Variants in MARCHF11 observed in about 807,000 individuals in gnomAD.
MARCHF11 encodes membrane associated ring-CH-type finger 11.
In MARCHF11, 29 loss-of-function variants were observed where a neutral mutation model predicts 37.3. The observed-to-expected ratio is 0.78, with a 90% CI of 0.58 to 1.06. The LOEUF (loss-of-function observed/expected upper bound fraction) is 1.06, where lower values mean the gene tolerates loss of function less well. Ranked by LOEUF, MARCHF11 falls within the 50% of genes least tolerant of loss-of-function variation. The pLI is 0.00. For missense variants in MARCHF11, 482 were observed against 533.4 expected (o/e 0.90, Z 0.95); for synonymous variants, 233 against 228.0 (o/e 1.02, Z -0.20).
At chr5:16,068,464 G>C (rs1052461939) in intron 3 of MARCHF11, among the ~76,000 whole-genome samples, 13 of 152,176 alleles carry the variant, frequency 8.5e-5, no homozygotes, top group Non-Finnish European at 1.5e-4. Flanking sequence ...TCAGAAACGT[G>C]CTCAAAAACA....
chr5:16,121,594 A>G (rs1189701182), intron 2 of MARCHF11, among the ~76,000 whole-genome samples: 1 of 152,230 alleles, frequency 6.6e-6, no homozygotes, highest in African/African-American at 2.4e-5. Flanking sequence ...ATCACTGAAG[A>G]GGTGACATTT....
At chr5:16,153,852 T>C (rs1737926939) in intron 2 of MARCHF11, among the ~76,000 whole-genome samples, 1 of 151,990 alleles carries the variant, frequency 6.6e-6, no homozygotes, top group South Asian at 2.1e-4. Flanking sequence ...TGTCTGCAAC[T>C]TCTGAGAAAT....
intron 2 of MARCHF11, among the ~76,000 whole-genome samples, chr5:16,146,828 G>A (rs1245981639): frequency 6.6e-6 from 1 of 151,970 alleles, no homozygotes; most frequent in East Asian, 1.9e-4. Context: ...GGATGTAGCA[G>A]CCACATGTCT....
At chr5:16,126,451 T>G (rs1737409115) in intron 2 of MARCHF11, among the ~76,000 whole-genome samples, 1 of 152,226 alleles carries the variant, frequency 6.6e-6, no homozygotes, top group Non-Finnish European at 1.5e-5. Flanking sequence ...TTATTCCAAG[T>G]TATAATACTT....
intron 2 of MARCHF11, among the ~76,000 whole-genome samples, chr5:16,139,484 T>C (rs1390668539): frequency 1.3e-5 from 2 of 152,140 alleles, no homozygotes; most frequent in Non-Finnish European, 2.9e-5. Context: ...CTAATACATA[T>C]GCTATATGTA....
chr5:16,138,851 CCT>C (rs1737655810), intron 2 of MARCHF11, among the ~76,000 whole-genome samples: 1 of 152,158 alleles, frequency 6.6e-6, no homozygotes, highest in African/African-American at 2.4e-5. Flanking sequence ...GGGCCTGCAA[CCT>C]CTTTGTTTTG....
At chr5:16,074,294 A>G (rs1033616570) in intron 3 of MARCHF11, among the ~76,000 whole-genome samples, 3 of 152,202 alleles carry the variant, frequency 2.0e-5, no homozygotes, top group African/African-American at 7.2e-5. Flanking sequence ...GCCTACATCA[A>G]AAAGTCTGAA....
chr5:16,140,003 A>G (rs1269767295), intron 2 of MARCHF11, among the ~76,000 whole-genome samples: 1 of 152,182 alleles, frequency 6.6e-6, no homozygotes, highest in Non-Finnish European at 1.5e-5. Flanking sequence ...AAAATCTATA[A>G]CAAATTAGAA....
intron 3 of MARCHF11, among the ~76,000 whole-genome samples, chr5:16,076,329 G>A (rs571100226): frequency 1.3e-5 from 2 of 152,076 alleles, no homozygotes; most frequent in East Asian, 3.9e-4. Flanking sequence ...ATTCACAGGA[G>A]AGAAAAATTG....
intron 2 of MARCHF11, among the ~76,000 whole-genome samples, chr5:16,100,813 T>C (rs1292228135): frequency 6.6e-6 from 1 of 152,224 alleles, no homozygotes; most frequent in Non-Finnish European, 1.5e-5. Context: ...GAAGGTTATG[T>C]CTAACTGAGA....
At chr5:16,161,031 G>A (rs1334903655) in intron 2 of MARCHF11, among the ~76,000 whole-genome samples, 1 of 151,852 alleles carries the variant, frequency 6.6e-6, no homozygotes, top group Non-Finnish European at 1.5e-5. Flanking sequence ...ATTTGGAAAG[G>A]TTTTAAACTT....
At chr5:16,095,377 T>A (rs2126559790) in intron 2 of MARCHF11, among the ~76,000 whole-genome samples, 1 of 151,466 alleles carries the variant, frequency 6.6e-6, no homozygotes, top group Non-Finnish European at 1.5e-5. Context: ...AATGTTTGGT[T>A]CAGCACATAT....
At chr5:16,169,073 G>C (rs1738216280) in intron 2 of MARCHF11, among the ~76,000 whole-genome samples, 1 of 152,056 alleles carries the variant, frequency 6.6e-6, no homozygotes, top group South Asian at 2.1e-4. Context: ...TTTTCTAACA[G>C]GTTGAACAAA....
intron 2 of MARCHF11, among the ~76,000 whole-genome samples, chr5:16,168,022 C>T (rs975482303): frequency 9.2e-5 from 14 of 151,986 alleles, no homozygotes; most frequent in African/African-American, 2.9e-4. Context: ...AAACACACAC[C>T]GATCTGTCAC....
chr5:16,086,088 CA>C (rs769689812), intron 3 of MARCHF11, among the ~76,000 whole-genome samples: 30 of 148,966 alleles, frequency 2.0e-4, no homozygotes, highest in Non-Finnish European at 3.5e-4. Flanking sequence ...TTGGTAACAA[CA>C]TACAAATTCA....
At chr5:16,164,375 A>G (rs1738136749) in intron 2 of MARCHF11, among the ~76,000 whole-genome samples, 1 of 152,032 alleles carries the variant, frequency 6.6e-6, no homozygotes, top group Admixed American at 6.6e-5. Flanking sequence ...AGAAGTCTTG[A>G]ACAACATTAT....
At chr5:16,156,120 T>G (rs1276777619) in intron 2 of MARCHF11, among the ~76,000 whole-genome samples, 1 of 151,954 alleles carries the variant, frequency 6.6e-6, no homozygotes, top group Non-Finnish European at 1.5e-5. Flanking sequence ...TGTAAAGAAA[T>G]AAATTCTTTG....
chr5:16,102,107 G>A (rs1736967412), intron 2 of MARCHF11, among the ~76,000 whole-genome samples: 1 of 152,158 alleles, frequency 6.6e-6, no homozygotes, highest in African/African-American at 2.4e-5. Context: ...GTATGTTGAT[G>A]CCTCCATGCA....
At chr5:16,173,875 G>A (rs1369090903) in intron 2 of MARCHF11, among the ~76,000 whole-genome samples, 2 of 152,176 alleles carry the variant, frequency 1.3e-5, no homozygotes, top group African/African-American at 4.8e-5. Context: ...TATAAGACAG[G>A]TAGCATTGTC....
Sources: gnomAD v4.1 joint callset for allele counts (sites outside exome capture counted in the v4.1 genomes callset) on GRCh38, gnomAD v4.1.1 for gene constraint, MANE v1.5 for transcripts, NCBI Gene and HGNC (gene_info 2026-07-23, HGNC 2026-07-21) for gene names.